The following ZNF280C variants were observed in gnomAD, a reference collection of about 807,000 sequenced individuals.
The protein encoded by ZNF280C is zinc finger protein 280C.
In ZNF280C, 14 loss-of-function variants were observed where a neutral mutation model predicts 53.6. The observed-to-expected ratio is 0.26, with a 90% CI of 0.17 to 0.41. The LOEUF (loss-of-function observed/expected upper bound fraction) is 0.41, where lower values mean the gene tolerates loss of function less well. ZNF280C is among the 10% of genes least tolerant of loss of function. The probability of loss-of-function intolerance (pLI) is 1.00; values close to 1 mark genes in which losing one functional copy is unlikely to be tolerated. For synonymous variants in ZNF280C, 203 were observed against 181.1 expected (o/e 1.12, Z -0.97); for missense variants, 416 against 547.1 (o/e 0.76, Z 2.39).
intron 8 of ZNF280C, among the ~76,000 whole-genome samples, chrX:130,233,414 C>T (rs2032298107): frequency 9.0e-6 from 1 of 110,520 alleles, no homozygotes; most frequent in Admixed American, 9.6e-5. Context: ...GTTGGGAGTT[C>T]GAGACCAGCC....
chrX:130,205,334 T>C lies in ZNF280C; in HGVS notation c.2124A>G (p.Gln708=), dbSNP rs146018510. 20 of 1,207,006 alleles carry C rather than the reference T, an allele frequency of 1.7e-5. No individual in the cohort carries two copies. Among genetic ancestry groups the C allele is most frequent in the Admixed American group, 1.1e-4 (5 of 45,488 alleles). The change falls in exon 17 of 19, where the codon CAA becomes CAG. Residue 708 remains glutamine (Q), a synonymous_variant. Transcript: ENST00000370978. The stretch of plus-strand genomic sequence containing the variant: ...TAACTTGGCAAGTATGAGTTTTACG[T>C]TGACTTAAGTGTTTAGCCATACGAT... ...GLDRMAKHLS[Q]RKTHTCQVII...
chrX:130,251,303 A>AAAAAAAAAAAAAAAAAAC (rs2032506604), intron 2 of ZNF280C, among the ~76,000 whole-genome samples: 1 of 103,053 alleles, frequency 9.7e-6, no homozygotes, highest in Non-Finnish European at 2.0e-5. Context: ...AAAAAAAAAA[A>AAAAAAAAAAAAAAAAAAC]AAAAGACCAG....
intron 3 of ZNF280C, among the ~76,000 whole-genome samples, chrX:130,246,349 T>G (rs2032450548): frequency 8.9e-6 from 1 of 112,350 alleles, no homozygotes; most frequent in Admixed American, 9.4e-5. Context: ...GATTCTATAA[T>G]CATGCAGCAC....
At chrX:130,263,301 C>T (rs1377929095) in intron 1 of ZNF280C, among the ~76,000 whole-genome samples, 1 of 112,526 alleles carries the variant, frequency 8.9e-6, no homozygotes, top group African/African-American at 3.2e-5. Context: ...GTGGAAACAA[C>T]TCAAATACCC....
intron 12 of ZNF280C, among the ~76,000 whole-genome samples, chrX:130,224,092 T>G (rs995535246): frequency 8.9e-6 from 1 of 111,860 alleles, no homozygotes; most frequent in African/African-American, 3.2e-5. Flanking sequence ...CCCCAATTCA[T>G]ATGGCGAAAT....
chrX:130,236,160 T>C (rs1217349092), intron 8 of ZNF280C, 54 bp downstream of exon 8: 1 of 879,211 alleles, frequency 1.1e-6, no homozygotes, highest in African/African-American at 2.0e-5. Context: ...ATTTTCAATA[T>C]TTTCAAGGAT....
At chrX:130,235,469 G>A (rs1163220260) in intron 8 of ZNF280C, among the ~76,000 whole-genome samples, 1 of 112,190 alleles carries the variant, frequency 8.9e-6, no homozygotes, top group Non-Finnish European at 1.9e-5. Context: ...AGCCAAGATT[G>A]TGCCACTGTA....
intron 5 of ZNF280C, among the ~76,000 whole-genome samples, chrX:130,242,575 T>A (rs2032404783): frequency 8.9e-6 from 1 of 112,401 alleles, no homozygotes; most frequent in Admixed American, 9.4e-5. Flanking sequence ...AGTCTCACTC[T>A]GTTGCCTGGG....
At chrX:130,248,699 T>C (rs1208216334) in intron 2 of ZNF280C, among the ~76,000 whole-genome samples, 1 of 111,886 alleles carries the variant, frequency 8.9e-6, no homozygotes, top group African/African-American at 3.2e-5. Context: ...TAGAGTGCCC[T>C]GATGGCCAGC....
chrX:130,246,228 T>C (rs1373438117), intron 3 of ZNF280C, among the ~76,000 whole-genome samples: 1 of 112,508 alleles, frequency 8.9e-6, no homozygotes, highest in East Asian at 2.8e-4. Context: ...GCCTGCATTG[T>C]CCAAGTATAG....
intron 13 of ZNF280C, among the ~76,000 whole-genome samples, chrX:130,218,108 G>A (rs188101553): frequency 1.8e-5 from 2 of 111,828 alleles, no homozygotes; most frequent in Admixed American, 9.5e-5. Flanking sequence ...GTTGCAGTAA[G>A]CTAAGATGGC....
At position 130,227,663 on chromosome X, in the gene ZNF280C, C is replaced by A; in HGVS notation, c.1248+19G>T. ...AAAATTAAACAAACACTTAACTACA[C>A]AATAAAATGTGTGTGTACCTGGCAA... On this transcript the variant is annotated intron_variant, in intron 11 of 18. Transcript: ENST00000370978. The A allele has an allele frequency of 9.3e-7, 1 of 1,076,282 alleles. No homozygotes were observed. The highest frequency in any genetic ancestry group is 1.9e-5 in the South Asian group (1 of 53,643). The allele number at this position is 1,076,282 out of a possible 1,213,427, so 88.7% of individuals were successfully genotyped here. A position where few individuals can be genotyped will look rare whatever the true frequency, so the allele number is the denominator to read the frequency against.
intron 2 of ZNF280C, among the ~76,000 whole-genome samples, chrX:130,259,153 A>C (rs1357434640): frequency 8.9e-6 from 1 of 112,061 alleles, no homozygotes; most frequent in Admixed American, 9.5e-5. Context: ...CAAACTGCCT[A>C]TTTCTTAGTG....
At chrX:130,244,705 G>A (rs913815936) in intron 3 of ZNF280C, among the ~76,000 whole-genome samples, 2 of 106,613 alleles carry the variant, frequency 1.9e-5, no homozygotes, top group Non-Finnish European at 3.9e-5. Flanking sequence ...GTGAACCCGG[G>A]AGGTGGAGCT....
chrX:130,229,169 G>C, intron 9 of ZNF280C, 35 bp from the exon 10 acceptor site: 1 of 1,143,137 alleles, frequency 8.7e-7, no homozygotes. Context: ...CAAAAATTCA[G>C]ACTTATAACC....
Position 130,239,600 on chromosome X carries a change from G to A in ZNF280C, c.475C>T (p.Pro159Ser), listed in dbSNP as rs767601183. The A allele has an allele frequency of 3.5e-5, 41 of 1,178,726 alleles. No individual in the cohort carries two copies. In the South Asian group the frequency reaches 7.6e-4, roughly 22 times the overall value. ...QESLPPSQDI[P>S]AIFREGMKNT... ...ACCAAACCTTCTCTAAAAATTGCTG[G>A]TATGTCTTGGGATGGTGGTAGTGAT... The change falls in exon 6 of 19, where the codon CCA becomes TCA. Residue 159 changes from proline (P) to serine (S), a missense_variant. Coordinates refer to ENST00000370978, the MANE Select transcript of ZNF280C (RefSeq NM_017666.5).
At chrX:130,248,959 C>T (rs2032477787) in intron 2 of ZNF280C, among the ~76,000 whole-genome samples, 1 of 111,666 alleles carries the variant, frequency 9.0e-6, no homozygotes. Flanking sequence ...TGCACTCCGC[C>T]CACCCTCCTC....
At chrX:130,206,264 C>G (rs1434146855) in intron 16 of ZNF280C, among the ~76,000 whole-genome samples, 1 of 108,497 alleles carries the variant, frequency 9.2e-6, no homozygotes, top group Non-Finnish European at 1.9e-5. Context: ...AGTTTATTAA[C>G]AAAGCATACA....
intron 16 of ZNF280C, among the ~76,000 whole-genome samples, chrX:130,207,125 CATT>C (rs2031984742): frequency 9.0e-6 from 1 of 111,334 alleles, no homozygotes; most frequent in Non-Finnish European, 1.9e-5. Context: ...CAGCCCAGGG[CATT>C]ATTAAGTAAG....
Sources: allele counts gnomAD v4.1 joint callset (sites outside exome capture counted in the v4.1 genomes callset), GRCh38; gene constraint gnomAD v4.1.1; transcripts MANE v1.5; gene names NCBI Gene and HGNC (gene_info 2026-07-23, HGNC 2026-07-21).